Variants in SH2D4A observed in about 807,000 individuals in gnomAD.
The protein encoded by SH2D4A is SH2 domain-containing protein 4A.
SH2D4A carries 70 observed loss-of-function variants against 64.7 expected under a neutral mutation model. The ratio of observed to expected loss-of-function variants is 1.08; its 90% CI spans 0.89 to 1.32. SH2D4A has a LOEUF of 1.32. SH2D4A is among the 40% of genes most tolerant of loss of function. The pLI, the probability that SH2D4A is intolerant of heterozygous loss-of-function variation, is 0.00. For synonymous variants in SH2D4A, 268 were observed against 200.7 expected (o/e 1.34, Z -2.83); for missense variants, 706 against 540.1 (o/e 1.31, Z -3.04).
intron 4 of SH2D4A, among the ~76,000 whole-genome samples, chr8:19,353,992 ATTTTTTTTT>A (rs56334713): frequency 7.5e-6 from 1 of 133,628 alleles, no homozygotes; most frequent in African/African-American, 2.7e-5. Flanking sequence ...TTTTCAACTA[ATTTTTTTTT>A]TTTTTTTTTT....
intron 8 of SH2D4A, chr8:19,375,568 T>C (rs1411367081): frequency 1.3e-5 from 2 of 152,364 alleles, no homozygotes; most frequent in Non-Finnish European, 2.9e-5. Flanking sequence ...CTGGGATTTC[T>C]GGCTTTTGTG....
At chr8:19,333,178 C>T (rs2052391532) in intron 3 of SH2D4A, 64 bp downstream of exon 3, 7 of 1,527,592 alleles carry the variant, frequency 4.6e-6, no homozygotes, top group Non-Finnish European at 6.2e-6. Context: ...ACATTGCAAA[C>T]ACACCTCTTG....
At chr8:19,358,863 C>T (rs1275866025) in intron 5 of SH2D4A, among the ~76,000 whole-genome samples, 1 of 152,178 alleles carries the variant, frequency 6.6e-6, no homozygotes, top group Non-Finnish European at 1.5e-5. Context: ...GTTAGCTGAA[C>T]ACATTTTCAC....
Position 19,319,344 on chromosome 8 carries a change from G to A in SH2D4A, c.-204G>A, listed in dbSNP as rs935727226. 2 of 1,223,792 alleles carry A rather than the reference G, an allele frequency of 1.6e-6. No individual in the cohort carries two copies. The highest frequency in any genetic ancestry group is 6.6e-5 in the East Asian group (2 of 30,114). The allele number at this position is 1,223,792 out of a possible 1,614,324, so 75.8% of individuals were successfully genotyped here. On this transcript the variant is annotated splice_region_variant and 5_prime_UTR_variant, in exon 2 of 10. Transcript: ENST00000265807. Reference sequence around the variant, plus strand: ...GAATGTGGGCTCTTTCTCTCTGCAGGTTCAGTGAACAGCATTTTGGACAGG... The same window carrying A: ...GAATGTGGGCTCTTTCTCTCTGCAGATTCAGTGAACAGCATTTTGGACAGG...
rs1160343250 is a variant in SH2D4A at position 19,395,812 on chromosome 8, TAGTTCATGCTG to T, written c.*1183_*1193del. Reference sequence around the variant, plus strand: ...TAAATGTCTGTTGTTTTAAGCTGCTTAGTTCATGCTGAGTTCATGCTGACTTGTTACTATAG... The same window carrying T: ...TAAATGTCTGTTGTTTTAAGCTGCTTAGTTCATGCTGACTTGTTACTATAG... On this transcript the variant is annotated 3_prime_UTR_variant, in exon 10 of 10. Transcript: ENST00000265807. The T allele has an allele frequency of 7.9e-5, 12 of 152,194 alleles. No homozygotes were observed. In the East Asian group the frequency reaches 1.2e-3, roughly 15 times the overall value. The allele number at this position is 152,194 out of a possible 1,614,324, so 9.4% of individuals were successfully genotyped here.
chr8:19,344,953 G>A (rs2052589342), intron 4 of SH2D4A, among the ~76,000 whole-genome samples: 1 of 152,016 alleles, frequency 6.6e-6, no homozygotes. Context: ...AGACCTTTTT[G>A]GATTTTAAAA....
chr8:19,345,999 C>T lies in SH2D4A; in HGVS notation c.513+11142C>T, dbSNP rs112979188. 5.5e-3 allele frequency among the ~76,000 whole-genome samples: 844 copies of T among 152,274 alleles called. 4 individuals are homozygous for T. Among genetic ancestry groups the T allele is most frequent in the Non-Finnish European group, 9.1e-3 (621 of 68,022 alleles). On this transcript the variant is annotated intron_variant, in intron 4 of 9. Coordinates refer to ENST00000265807, the MANE Select transcript of SH2D4A (RefSeq NM_022071.4). ...CAGTCTCAGAGTATCTTTCTATGCA[C>T]GCATGACAATCTTTACAGAAGATTT...
intron 4 of SH2D4A, among the ~76,000 whole-genome samples, chr8:19,355,144 A>G (rs757224417): frequency 7.9e-5 from 12 of 152,162 alleles, no homozygotes; most frequent in Non-Finnish European, 1.5e-4. Context: ...ATTCTCTGCA[A>G]TACTTGCGGG....
At position 19,376,556 on chromosome 8, in the gene SH2D4A, A is replaced by G. The variant is rs539631339; in HGVS notation, c.1048+2896A>G. ...AGAATTGCTTGAACCCAGGAGGCAC[A>G]GGTTATAGCGAGCTGAGATTGTGCC... On this transcript the variant is annotated intron_variant, in intron 8 of 9. Transcript: ENST00000265807. Among the ~76,000 whole-genome samples, 41 of 152,326 alleles carry G rather than the reference A, an allele frequency of 2.7e-4. No individual in the cohort carries two copies. The South Asian group carries it at 8.3e-3, about 31-fold the overall frequency.
At chr8:19,362,832 A>T (rs1291163842) in intron 6 of SH2D4A, among the ~76,000 whole-genome samples, 1 of 152,208 alleles carries the variant, frequency 6.6e-6, no homozygotes, top group South Asian at 2.1e-4. Context: ...TGGGTTGCAT[A>T]CATTTTTAAA....
intron 4 of SH2D4A, among the ~76,000 whole-genome samples, chr8:19,356,813 C>G (rs2052798882): frequency 6.6e-6 from 1 of 152,204 alleles, no homozygotes; most frequent in South Asian, 2.1e-4. Context: ...AATCCAGAGA[C>G]TAAGGCATTT....
At chr8:19,315,377 C>T (rs1199408867) in intron 1 of SH2D4A, among the ~76,000 whole-genome samples, 1 of 152,214 alleles carries the variant, frequency 6.6e-6, no homozygotes, top group African/African-American at 2.4e-5. Context: ...CTCCAGCAAT[C>T]CACCCATGTC....
At chr8:19,332,466 T>C (rs2052377044) in intron 2 of SH2D4A, among the ~76,000 whole-genome samples, 1 of 152,052 alleles carries the variant, frequency 6.6e-6, no homozygotes, top group South Asian at 2.1e-4. Flanking sequence ...AAATCCTGTC[T>C]CTACTAAAAA....
At chr8:19,316,654 C>T (rs1349779020) in intron 1 of SH2D4A, among the ~76,000 whole-genome samples, 2 of 152,204 alleles carry the variant, frequency 1.3e-5, no homozygotes, top group Non-Finnish European at 2.9e-5. Flanking sequence ...GTTTCTGTTG[C>T]TGCAGGAATT....
intron 7 of SH2D4A, 31 bp from the exon 8 acceptor site, chr8:19,373,499 A>G (rs2053143188): frequency 1.3e-6 from 2 of 1,542,348 alleles, no homozygotes; most frequent in African/African-American, 2.9e-5. Flanking sequence ...AATTAGTTAA[A>G]TCTAACTTGA....
chr8:19,394,686 C>T lies in SH2D4A; in HGVS notation c.*44C>T, dbSNP rs762594109. On this transcript the variant is annotated 3_prime_UTR_variant, in exon 10 of 10. Transcript: ENST00000265807. The stretch of plus-strand genomic sequence containing the variant: ...TCCTACAGCCTCCAAGCGGGCTTTC[C>T]CCTGGACAAATGCCACTGCAACATT... 5.4e-6 allele frequency: 8 copies of T among 1,491,882 alleles called. No homozygotes were observed. The highest frequency in any genetic ancestry group is 1.8e-4 in the Middle Eastern group (1 of 5,440). The allele number at this position is 1,491,882 out of a possible 1,614,324, so 92.4% of individuals were successfully genotyped here.
At chr8:19,354,950 C>T (rs1277652179) in intron 4 of SH2D4A, among the ~76,000 whole-genome samples, 2 of 152,176 alleles carry the variant, frequency 1.3e-5, no homozygotes, top group African/African-American at 4.8e-5. Context: ...ACTCCAGTTT[C>T]ATAAGTCCAG....
intron 6 of SH2D4A, 68 bp from the exon 7 acceptor site, chr8:19,364,004 G>GAA: frequency 6.7e-7 from 1 of 1,493,958 alleles, no homozygotes; most frequent in South Asian, 1.2e-5. Context: ...GTTGTGCAAT[G>GAA]AATGCTGAGC....
At chr8:19,326,643 A>G (rs1223374596) in intron 2 of SH2D4A, among the ~76,000 whole-genome samples, 1 of 129,522 alleles carries the variant, frequency 7.7e-6, no homozygotes, top group Non-Finnish European at 1.6e-5. Context: ...CTTCCCCCAC[A>G]TCGTGTGTGT....
Sources: allele counts gnomAD v4.1 joint callset (sites outside exome capture counted in the v4.1 genomes callset), GRCh38; gene constraint gnomAD v4.1.1; transcripts MANE v1.5; gene names NCBI Gene and HGNC (gene_info 2026-07-23, HGNC 2026-07-21).